Variants in OPCML observed in about 807,000 individuals in gnomAD.
OPCML encodes the protein opioid binding protein/cell adhesion molecule like, also known as opioid-binding protein/cell adhesion molecule.
In OPCML, 13 loss-of-function variants were observed where a neutral mutation model predicts 37.8. The ratio of observed to expected loss-of-function variants is 0.34; its 90% CI spans 0.22 to 0.55. The LOEUF (loss-of-function observed/expected upper bound fraction) is 0.55. Among genes scored for constraint, OPCML ranks in the 20% least tolerant of loss-of-function variants. The pLI is 0.91. For synonymous variants in OPCML, 176 were observed against 168.8 expected (o/e 1.04, Z -0.33); for missense variants, 341 against 435.6 (o/e 0.78, Z 1.93).
chr11:133,053,733 CA>C (rs779579024), intron 1 of OPCML, among the ~76,000 whole-genome samples: 1 of 152,178 alleles, frequency 6.6e-6, no homozygotes, highest in Non-Finnish European at 1.5e-5. Flanking sequence ...TGTTCCTCCT[CA>C]TCCAGATCAG....
chr11:132,945,954 T>C (rs1005815580), intron 1 of OPCML, among the ~76,000 whole-genome samples: 9 of 152,196 alleles, frequency 5.9e-5, no homozygotes, highest in African/African-American at 2.2e-4. Context: ...AGCTAACTTT[T>C]TGTATTTTTA....
chr11:133,360,398 G>C (rs763904305), intron 1 of OPCML: 12 of 152,232 alleles, frequency 7.9e-5, no homozygotes, highest in Non-Finnish European at 1.6e-4. Context: ...GAATGCAAGG[G>C]CCGACGATGC....
At position 132,473,827 on chromosome 11, in the gene OPCML, C is replaced by T. The variant is rs75885661; in HGVS notation, c.506-36468G>A. Among the ~76,000 whole-genome samples, 36 of 151,974 alleles carry T rather than the reference C, an allele frequency of 2.4e-4. No homozygotes were observed. In the East Asian group the frequency reaches 6.4e-3, roughly 27 times the overall value. ...GGTGACAGAGTGAAACTCTGTCACA[C>T]AAAAAAATCATAATCCATAACTACG... is the stretch of plus-strand genomic sequence containing the variant. On this transcript the variant is annotated intron_variant, in intron 4 of 7. Coordinates refer to ENST00000524381, the MANE Select transcript of OPCML (RefSeq NM_001012393.5).
chr11:133,232,089 C>T (rs980922905), intron 1 of OPCML, among the ~76,000 whole-genome samples: 8 of 152,156 alleles, frequency 5.3e-5, no homozygotes, highest in African/African-American at 1.9e-4. Flanking sequence ...GAACTCTGAA[C>T]TTTTAGTTGC....
chr11:132,516,659 C>T (rs561323334), intron 4 of OPCML, among the ~76,000 whole-genome samples: 1 of 152,240 alleles, frequency 6.6e-6, no homozygotes, highest in East Asian at 1.9e-4. Context: ...TGGAAACAAA[C>T]TAATTGCTCT....
At chr11:133,322,696 A>G (rs1218825597) in intron 1 of OPCML, among the ~76,000 whole-genome samples, 2 of 152,188 alleles carry the variant, frequency 1.3e-5, no homozygotes, top group Non-Finnish European at 2.9e-5. Context: ...AAAACTGACA[A>G]TATAGGAGTA....
At chr11:132,930,833 C>A (rs1945175168) in intron 2 of OPCML, among the ~76,000 whole-genome samples, 1 of 152,080 alleles carries the variant, frequency 6.6e-6, no homozygotes, top group Non-Finnish European at 1.5e-5. Context: ...TATATGAAAT[C>A]TCAAGAGACT....
At chr11:132,865,921 A>T (rs1942528606) in intron 2 of OPCML, among the ~76,000 whole-genome samples, 1 of 152,134 alleles carries the variant, frequency 6.6e-6, no homozygotes, top group African/African-American at 2.4e-5. Context: ...CAATTCCACG[A>T]TCTAATAATG....
chr11:133,286,047 G>A (rs1592167473), intron 1 of OPCML, among the ~76,000 whole-genome samples: 1 of 152,062 alleles, frequency 6.6e-6, no homozygotes, highest in East Asian at 1.9e-4. Flanking sequence ...CCTTGAAAGG[G>A]GGAGACAAGT....
At chr11:133,048,690 T>C (rs1362249151) in intron 1 of OPCML, among the ~76,000 whole-genome samples, 2 of 152,210 alleles carry the variant, frequency 1.3e-5, no homozygotes, top group Non-Finnish European at 2.9e-5. Flanking sequence ...GAAAGAACTA[T>C]ACAGTACTAG....
At chr11:132,657,005 A>G (rs1941740004) in intron 3 of OPCML, 82 bp downstream of exon 3, 3 of 1,551,344 alleles carry the variant, frequency 1.9e-6, no homozygotes, top group Non-Finnish European at 2.6e-6. Flanking sequence ...GTGTCTTCGC[A>G]CACAGGTAGA....
Position 133,316,968 on chromosome 11 carries a change from T to A in OPCML, c.61+215296A>T, listed in dbSNP as rs545694471. 2.7e-4 allele frequency among the ~76,000 whole-genome samples: 41 copies of A among 152,276 alleles called. No homozygotes were observed. In the Middle Eastern group the frequency reaches 0.017, roughly 63 times the overall value. Reference sequence around the variant, plus strand: ...ATCCCAGCACTTTGGGAGGCCAAGGTGGGCAGATCACCTAAAGTCAGGAGC... The same window carrying A: ...ATCCCAGCACTTTGGGAGGCCAAGGAGGGCAGATCACCTAAAGTCAGGAGC... On this transcript the variant is annotated intron_variant, in intron 1 of 7. Transcript: ENST00000524381.
intron 2 of OPCML, among the ~76,000 whole-genome samples, chr11:132,937,587 G>A (rs1282965959): frequency 7.7e-5 from 7 of 90,524 alleles, no homozygotes; most frequent in Middle Eastern, 5.2e-3. Context: ...TGTGTGTGGC[G>A]TGTGTGGGGT....
chr11:133,110,854 T>A (rs1450002186), intron 1 of OPCML, among the ~76,000 whole-genome samples: 1 of 152,036 alleles, frequency 6.6e-6, no homozygotes, highest in East Asian at 1.9e-4. Context: ...AGCACAGAGG[T>A]GTGTGGAACA....
In OPCML at chr11:133,497,449, C is replaced by A. The variant is rs149271390; in HGVS notation, c.61+34815G>T. Reference sequence around the variant, plus strand: ...ATTTTTTGGATTGCCTTTCATTGAGCGTTTCCTTTCTCTGGTCCCCCCCGA... The same window carrying A: ...ATTTTTTGGATTGCCTTTCATTGAGAGTTTCCTTTCTCTGGTCCCCCCCGA... On this transcript the variant is annotated intron_variant, in intron 1 of 7. Transcript: ENST00000524381. Among the ~76,000 whole-genome samples the A allele has an allele frequency of 9.2e-5, 14 of 152,194 alleles. No homozygotes were observed. The East Asian group carries it at 2.7e-3, about 29-fold the overall frequency.
chr11:133,248,979 A>C (rs1941041161), intron 1 of OPCML, among the ~76,000 whole-genome samples: 1 of 152,250 alleles, frequency 6.6e-6, no homozygotes, highest in African/African-American at 2.4e-5. Context: ...CAAACATGTC[A>C]GGATCTCATG....
intron 7 of OPCML, among the ~76,000 whole-genome samples, chr11:132,425,300 AG>A (rs1194216741): frequency 6.6e-6 from 1 of 152,230 alleles, no homozygotes; most frequent in African/African-American, 2.4e-5. Context: ...GATTCTGGGA[AG>A]AAAGCCATTT....
intron 2 of OPCML, among the ~76,000 whole-genome samples, chr11:132,918,431 T>C (rs936036699): frequency 1.3e-5 from 2 of 152,214 alleles, no homozygotes; most frequent in African/African-American, 4.8e-5. Context: ...TGTACTGACT[T>C]CCATCATCAT....
intron 2 of OPCML, among the ~76,000 whole-genome samples, chr11:132,887,551 G>A (rs954590005): frequency 2.0e-5 from 3 of 152,290 alleles, no homozygotes; most frequent in African/African-American, 4.8e-5. Context: ...ACTCCAGCCC[G>A]GCCACCTAGT....
Sources: allele counts gnomAD v4.1 joint callset (sites outside exome capture counted in the v4.1 genomes callset), GRCh38; gene constraint gnomAD v4.1.1; transcripts MANE v1.5; gene names NCBI Gene and HGNC (gene_info 2026-07-23, HGNC 2026-07-21).